The following PARD3B variants were observed in gnomAD, a reference collection of about 807,000 sequenced individuals.
PARD3B encodes par-3 family cell polarity regulator beta.
Under a neutral mutation model 130.2 loss-of-function variants are expected in PARD3B, and 103 were observed. The observed-to-expected ratio is 0.79, with a 90% confidence interval of 0.67 to 0.93. The LOEUF (loss-of-function observed/expected upper bound fraction) is 0.93, where lower values mean the gene tolerates loss of function less well. Ranked by LOEUF, PARD3B falls within the 40% of genes least tolerant of loss-of-function variation. PARD3B has a pLI of 0.00. For missense variants in PARD3B, 1,609 were observed against 1,499.2 expected (o/e 1.07, Z -1.21); for synonymous variants, 583 against 553.2 (o/e 1.05, Z -0.76).
chr2:204,853,605 A>G (rs2044797982), intron 2 of PARD3B, among the ~76,000 whole-genome samples: 1 of 152,232 alleles, frequency 6.6e-6, no homozygotes, highest in Non-Finnish European at 1.5e-5. Context: ...TATGCTGACA[A>G]CCATAACAAA....
chr2:205,006,469 C>G (rs1029907219), intron 3 of PARD3B, among the ~76,000 whole-genome samples: 1 of 152,144 alleles, frequency 6.6e-6, no homozygotes. Context: ...ACACCAACAT[C>G]TATTGTTTTT....
Position 205,268,343 on chromosome 2 carries a change from G to A in PARD3B, c.2185+22521G>A, listed in dbSNP as rs1223882610. Among the ~76,000 whole-genome samples the A allele has an allele frequency of 6.6e-6, 1 of 152,228 alleles. No individual in the cohort carries two copies. Among genetic ancestry groups the A allele is most frequent in the Non-Finnish European group, 1.5e-5 (1 of 68,024 alleles). ...TGAGAACGGTTCCAATATATTGGGA[G>A]AAAAATAAGCATCAACTTGGAAATC... is the stretch of plus-strand genomic sequence containing the variant. On this transcript the variant is annotated intron_variant, in intron 16 of 22. Transcript: ENST00000406610. This position sits in a 1 kb window ranked among gnomAD's most constrained non-coding sequence, Gnocchi z 4.1.
At chr2:205,119,157 T>C in intron 7 of PARD3B, 111 bp downstream of exon 7, 3 of 1,362,948 alleles carry the variant, frequency 2.2e-6, no homozygotes, top group South Asian at 1.7e-5. Flanking sequence ...TCAGTTCCCT[T>C]TGAACGATCC....
intron 1 of PARD3B, among the ~76,000 whole-genome samples, chr2:204,649,511 G>C (rs1386282387): frequency 2.0e-5 from 3 of 151,784 alleles, no homozygotes; most frequent in Non-Finnish European, 4.4e-5. Context: ...AGATGAGAAA[G>C]AAACATCATT....
At chr2:205,431,714 C>G (rs1367861433) in intron 19 of PARD3B, among the ~76,000 whole-genome samples, 1 of 152,070 alleles carries the variant, frequency 6.6e-6, no homozygotes, top group Non-Finnish European at 1.5e-5. Flanking sequence ...CGTGATCTGC[C>G]CACCTCGGCC....
chr2:205,610,765 C>T (rs2055201502), intron 22 of PARD3B, among the ~76,000 whole-genome samples: 5 of 152,112 alleles, frequency 3.3e-5, no homozygotes, highest in Admixed American at 3.3e-4. Context: ...TTCAGCCCAC[C>T]ATCCCTCCTA....
At chr2:205,272,380 G>A (rs555255891) in intron 16 of PARD3B, among the ~76,000 whole-genome samples, 6 of 151,986 alleles carry the variant, frequency 3.9e-5, no homozygotes, top group Admixed American at 6.6e-5. Flanking sequence ...CTGATAGACC[G>A]TATTTGCCAT....
chr2:205,076,520 G>C (rs1188782742), intron 4 of PARD3B, among the ~76,000 whole-genome samples: 1 of 152,112 alleles, frequency 6.6e-6, no homozygotes, highest in Non-Finnish European at 1.5e-5. Context: ...TCTAGATTGG[G>C]GATCATCAGC....
intron 2 of PARD3B, among the ~76,000 whole-genome samples, chr2:204,882,848 G>T (rs1288538772): frequency 6.6e-6 from 1 of 152,134 alleles, no homozygotes; most frequent in East Asian, 1.9e-4. Context: ...ACCTCAGAGG[G>T]TTAACCTACA....
chr2:205,076,729 G>A (rs1575715392), intron 4 of PARD3B, among the ~76,000 whole-genome samples: 1 of 152,172 alleles, frequency 6.6e-6, no homozygotes, highest in East Asian at 1.9e-4. Flanking sequence ...TCTAACTAAT[G>A]CCTGATGATC....
At chr2:205,409,701 A>G (rs191149512) in intron 19 of PARD3B, among the ~76,000 whole-genome samples, 73 of 152,308 alleles carry the variant, frequency 4.8e-4, no homozygotes, top group Admixed American at 4.3e-3. Context: ...GCAAACTTCT[A>G]TGAAGTACAC....
intron 16 of PARD3B, among the ~76,000 whole-genome samples, chr2:205,297,052 T>G (rs1378664299): frequency 2.6e-5 from 4 of 152,106 alleles, no homozygotes; most frequent in Non-Finnish European, 5.9e-5. Context: ...CTTGTGTATG[T>G]TGAGCTCATG....
At chr2:204,889,117 T>G (rs1379282344) in intron 2 of PARD3B, among the ~76,000 whole-genome samples, 1 of 152,174 alleles carries the variant, frequency 6.6e-6, no homozygotes, top group African/African-American at 2.4e-5. Flanking sequence ...GCCGTGCGTC[T>G]TTTTCATTTT....
At chr2:204,684,565 C>T (rs2036989369) in intron 1 of PARD3B, among the ~76,000 whole-genome samples, 1 of 152,106 alleles carries the variant, frequency 6.6e-6, no homozygotes, top group Non-Finnish European at 1.5e-5. Context: ...GTCCAGTGGC[C>T]ATTACATAGT....
intron 20 of PARD3B, among the ~76,000 whole-genome samples, chr2:205,456,597 A>T (rs1179130470): frequency 6.6e-6 from 1 of 151,804 alleles, no homozygotes; most frequent in Non-Finnish European, 1.5e-5. Flanking sequence ...TTTATCATAA[A>T]TGAGCATGAA....
chr2:205,044,131 T>C (rs1472090791), intron 3 of PARD3B, among the ~76,000 whole-genome samples: 1 of 152,044 alleles, frequency 6.6e-6, no homozygotes, highest in Non-Finnish European at 1.5e-5. Flanking sequence ...ACAAAGGACA[T>C]GAACTCATCA....
intron 2 of PARD3B, among the ~76,000 whole-genome samples, chr2:204,713,214 G>C (rs1475259299): frequency 6.6e-6 from 1 of 151,914 alleles, no homozygotes; most frequent in Non-Finnish European, 1.5e-5. Flanking sequence ...AAGCATAGGA[G>C]GCTATTTACT....
chr2:204,915,555 A>C (rs1196269530), intron 2 of PARD3B, among the ~76,000 whole-genome samples: 1 of 152,178 alleles, frequency 6.6e-6, no homozygotes, highest in African/African-American at 2.4e-5. Context: ...ATGTGACAAA[A>C]TACCTCTAAA....
intron 2 of PARD3B, among the ~76,000 whole-genome samples, chr2:204,910,299 T>TA (rs1355860950): frequency 2.0e-5 from 3 of 152,112 alleles, no homozygotes; most frequent in Admixed American, 6.6e-5. Flanking sequence ...GCTAAGACCT[T>TA]AAAAAAACCT....
Sources: allele counts gnomAD v4.1 joint callset (sites outside exome capture counted in the v4.1 genomes callset), GRCh38; gene constraint gnomAD v4.1.1; non-coding constraint Gnocchi (gnomAD v3.1); transcripts MANE v1.5; gene names NCBI Gene and HGNC (gene_info 2026-07-23, HGNC 2026-07-21).